GSTCD: variants seen among roughly 807,000 people sequenced by gnomAD.
GSTCD encodes glutathione S-transferase C-terminal domain-containing protein.
In GSTCD, 44 loss-of-function variants were observed where a neutral mutation model predicts 68.3. The ratio of observed to expected loss-of-function variants is 0.64; its 90% CI spans 0.51 to 0.83. GSTCD has a LOEUF of 0.83. Among genes scored for constraint, GSTCD ranks in the 40% least tolerant of loss-of-function variants. GSTCD has a pLI of 0.00. For missense variants in GSTCD, 739 were observed against 735.9 expected (o/e 1.00, Z -0.05); for synonymous variants, 273 against 255.2 (o/e 1.07, Z -0.67).
At chr4:105,742,433 A>C (rs1257361147) in intron 5 of GSTCD, among the ~76,000 whole-genome samples, 1 of 152,130 alleles carries the variant, frequency 6.6e-6, no homozygotes, top group East Asian at 1.9e-4. Context: ...TTCTCTATGG[A>C]GTCAACCTGC....
At chr4:105,843,904 G>C (rs1724451489) in intron 11 of GSTCD, among the ~76,000 whole-genome samples, 1 of 151,836 alleles carries the variant, frequency 6.6e-6, no homozygotes, top group Admixed American at 6.6e-5. Flanking sequence ...AGAGTGGTGG[G>C]GGTGGGGGTG....
intron 5 of GSTCD, among the ~76,000 whole-genome samples, chr4:105,774,316 CTG>C (rs879507156): frequency 6.6e-6 from 1 of 152,130 alleles, no homozygotes; most frequent in Admixed American, 6.5e-5. Context: ...ATTTGCCAGT[CTG>C]TGTCTTTTAA....
In GSTCD at chr4:105,821,514, G is replaced by A. The variant is rs187158880; in HGVS notation, c.1241-1440G>A. On this transcript the variant is annotated intron_variant, in intron 5 of 11. Transcript: ENST00000515279. ...TCTGTCATCACAAATGAAGTCATCA[G>A]AGTATTGACTTAAATATTCTTCATA... Among the ~76,000 whole-genome samples the A allele has an allele frequency of 2.1e-3, 313 of 152,006 alleles. 2 individuals carry two copies. The highest frequency in any genetic ancestry group is 3.4e-3 in the Non-Finnish European group (232 of 67,802).
chr4:105,842,295 G>T (rs1027315902), intron 11 of GSTCD, among the ~76,000 whole-genome samples, 161 bp downstream of exon 11: 1 of 152,072 alleles, frequency 6.6e-6, no homozygotes, highest in African/African-American at 2.4e-5. Context: ...TATTGAAAAG[G>T]GTATTGTAAC....
In GSTCD at chr4:105,729,416, T is replaced by C. The variant is rs768565642; in HGVS notation, c.1157T>C (p.Ile386Thr). The C allele has an allele frequency of 2.5e-6, 4 of 1,605,626 alleles. No homozygotes were observed. The highest frequency in any genetic ancestry group is 3.4e-6 in the Non-Finnish European group (4 of 1,173,864). ...PTMAKLMEKG[I>T]EVMFSPHPCP... ...TATTTCCTTTTCTAGGAAAAGGGCA[T>C]TGAAGTGATGTTTTCTCCCCACCCT... The change falls in exon 5 of 12, where the codon ATT (isoleucine) becomes ACT (threonine). Residue 386 changes from isoleucine to threonine, a missense_variant. Physicochemically the swap from Ile to Thr is moderately conservative, Grantham distance 89. Coordinates refer to ENST00000515279, the MANE Select transcript of GSTCD (RefSeq NM_001370181.1).
intron 5 of GSTCD, among the ~76,000 whole-genome samples, chr4:105,743,754 A>T (rs1733714290): frequency 7.1e-6 from 1 of 141,552 alleles, no homozygotes; most frequent in East Asian, 2.1e-4. Context: ...CCCCTCCCAG[A>T]TTCACGCTGT....
At chr4:105,831,183 A>G (rs17036310) in intron 8 of GSTCD, among the ~76,000 whole-genome samples, 8,328 of 152,322 alleles carry the variant, frequency 0.055, 255 homozygotes, top group Middle Eastern at 0.14. Context: ...GGGAAACAAG[A>G]GTACACAGGT....
At chr4:105,757,333 T>C (rs973907028) in intron 5 of GSTCD, among the ~76,000 whole-genome samples, 1 of 152,220 alleles carries the variant, frequency 6.6e-6, no homozygotes, top group African/African-American at 2.4e-5. Context: ...ATTCTACCTA[T>C]TGTTGTTGGA....
intron 5 of GSTCD, among the ~76,000 whole-genome samples, chr4:105,802,347 T>C (rs1388426906): frequency 1.3e-5 from 2 of 152,096 alleles, no homozygotes; most frequent in Admixed American, 6.6e-5. Context: ...CCAGCCTCTT[T>C]TCTATACTTG....
chr4:105,840,144 CA>C (rs1301095657), intron 10 of GSTCD: 1 of 443,832 alleles, frequency 2.3e-6, no homozygotes, highest in Admixed American at 2.5e-5. Context: ...CAAATAATTC[CA>C]ATAAAATATG....
At chr4:105,840,078 C>T in intron 10 of GSTCD, 1 of 365,490 alleles carries the variant, frequency 2.7e-6, no homozygotes, top group South Asian at 2.2e-5. Context: ...TTACTGAGTA[C>T]CTACCATGTG....
chr4:105,830,959 G>A (rs1177056663), intron 8 of GSTCD, among the ~76,000 whole-genome samples: 7 of 152,076 alleles, frequency 4.6e-5, no homozygotes, highest in African/African-American at 1.7e-4. Context: ...TACAAATCAA[G>A]AGATATCAAT....
At chr4:105,796,258 C>T (rs1030387722) in intron 5 of GSTCD, among the ~76,000 whole-genome samples, 10 of 152,240 alleles carry the variant, frequency 6.6e-5, no homozygotes, top group African/African-American at 2.4e-4. Context: ...CATCAGATCT[C>T]GTGAGATTTA....
intron 5 of GSTCD, among the ~76,000 whole-genome samples, chr4:105,799,198 C>T (rs949888387): frequency 1.2e-4 from 18 of 152,136 alleles, no homozygotes; most frequent in Non-Finnish European, 1.6e-4. Context: ...CTGGATTAGG[C>T]GTTTGTATAA....
chr4:105,772,928 A>G (rs1168968919), intron 5 of GSTCD, among the ~76,000 whole-genome samples: 2 of 152,162 alleles, frequency 1.3e-5, no homozygotes, highest in East Asian at 3.9e-4. Flanking sequence ...TTTCAGAAGG[A>G]ATAGTACCAG....
chr4:105,842,189 A>G, intron 11 of GSTCD, 55 bp downstream of exon 11: 1 of 1,393,310 alleles, frequency 7.2e-7, no homozygotes, highest in South Asian at 1.2e-5. Context: ...ATGACTGGGA[A>G]TGATTGGACC....
intron 1 of GSTCD, among the ~76,000 whole-genome samples, chr4:105,713,492 CT>C (rs1420873543): frequency 6.6e-6 from 1 of 152,090 alleles, no homozygotes; most frequent in Non-Finnish European, 1.5e-5. Flanking sequence ...ATAAATAGTA[CT>C]GTTATATTAG....
At chr4:105,813,374 A>C (rs1578497769) in intron 5 of GSTCD, among the ~76,000 whole-genome samples, 1 of 152,330 alleles carries the variant, frequency 6.6e-6, no homozygotes, top group East Asian at 1.9e-4. Flanking sequence ...GACATGATGC[A>C]ACAAGTGGAA....
chr4:105,838,048 A>AT (rs1724190995), intron 10 of GSTCD, among the ~76,000 whole-genome samples, 159 bp downstream of exon 10: 1 of 152,236 alleles, frequency 6.6e-6, no homozygotes, highest in South Asian at 2.1e-4. Context: ...GCAAATCCAG[A>AT]TTAACTCTTC....
Sources: allele counts gnomAD v4.1 joint callset (sites outside exome capture counted in the v4.1 genomes callset), GRCh38; gene constraint gnomAD v4.1.1; transcripts MANE v1.5; gene names NCBI Gene and HGNC (gene_info 2026-07-23, HGNC 2026-07-21).